TRAF3IP1: variants seen among roughly 807,000 people sequenced by gnomAD.
TRAF3IP1 encodes the protein TRAF3-interacting protein 1.
In TRAF3IP1, 53 loss-of-function variants were observed where a neutral mutation model predicts 89.9. The ratio of observed to expected loss-of-function variants is 0.59; its 90% CI spans 0.47 to 0.74. TRAF3IP1 has a LOEUF of 0.74. Ranked by LOEUF, TRAF3IP1 falls within the 30% of genes least tolerant of loss-of-function variation. The pLI is 0.00. For missense variants in TRAF3IP1, 806 were observed against 866.1 expected (o/e 0.93, Z 0.87); for synonymous variants, 311 against 322.1 (o/e 0.97, Z 0.37).
chr2:238,320,692 G>A lies in TRAF3IP1; in HGVS notation c.30G>A (p.Gln10=). The change falls in exon 1 of 17, where the codon CAG becomes CAA. Residue 10 remains glutamine (Q), a synonymous_variant. Transcript: ENST00000373327. MNAAVVRRT[Q]EALGKVIRRP... ...ACGCGGCGGTGGTGAGGCGGACGCA[G>A]GAGGCGCTGGGGAAAGTGATTCGGA... 7.0e-7 allele frequency: 1 copy of A among 1,421,934 alleles called. No homozygotes were observed. The highest frequency in any genetic ancestry group is 9.3e-7 in the Non-Finnish European group (1 of 1,073,932). 88.1% of individuals were successfully genotyped at this position (1,421,934 alleles called of 1,614,324 possible). A position where few individuals can be genotyped will look rare whatever the true frequency, so the allele number is the denominator to read the frequency against.
intron 15 of TRAF3IP1, among the ~76,000 whole-genome samples, chr2:238,387,502 A>G (rs779568496): frequency 1.3e-5 from 2 of 152,260 alleles, no homozygotes; most frequent in Non-Finnish European, 2.9e-5. Context: ...TTCTAAAACT[A>G]TATGAAAACG....
chr2:238,346,734 C>A (rs1445815998), intron 9 of TRAF3IP1, among the ~76,000 whole-genome samples: 1 of 152,200 alleles, frequency 6.6e-6, no homozygotes, highest in Non-Finnish European at 1.5e-5. Flanking sequence ...CTCCTCTCTG[C>A]CGTATAGTGT....
rs575812439 is a variant in TRAF3IP1 at position 238,323,876 on chromosome 2, G to C, written c.124-1430G>C. Among the ~76,000 whole-genome samples the C allele has an allele frequency of 9.9e-5, 15 of 152,210 alleles. 1 individual carries two copies. In the South Asian group the frequency reaches 2.7e-3, roughly 27 times the overall value. Reference sequence around the variant, plus strand: ...GTTGAGAGGAACAGGAAAAATAATTGCCCTAAAAGCTGGTTTTAGGGCTAA... The same window carrying C: ...GTTGAGAGGAACAGGAAAAATAATTCCCCTAAAAGCTGGTTTTAGGGCTAA... On this transcript the variant is annotated intron_variant, in intron 1 of 16. Transcript: ENST00000373327.
intron 15 of TRAF3IP1, among the ~76,000 whole-genome samples, chr2:238,381,341 C>T (rs929802735): frequency 5.3e-5 from 8 of 152,240 alleles, no homozygotes; most frequent in East Asian, 1.9e-4. Context: ...GGGCTGGATT[C>T]GAGGAGGGCC....
At chr2:238,372,295 G>C (rs944073863) in intron 15 of TRAF3IP1, among the ~76,000 whole-genome samples, 1 of 151,524 alleles carries the variant, frequency 6.6e-6, no homozygotes, top group Admixed American at 6.6e-5. Flanking sequence ...TCTGCCCCCC[G>C]ACAGGCCCCG....
At chr2:238,329,956 G>T (rs1698039884) in intron 5 of TRAF3IP1, among the ~76,000 whole-genome samples, 1 of 152,176 alleles carries the variant, frequency 6.6e-6, no homozygotes. Context: ...TTCCCCACCA[G>T]GCATGTAGAG....
chr2:238,325,684 T>G (rs1697790006), intron 2 of TRAF3IP1, 125 bp from the exon 3 acceptor site: 2 of 956,920 alleles, frequency 2.1e-6, no homozygotes, highest in Non-Finnish European at 1.5e-6. Context: ...TTTCTAGATT[T>G]GTTATATATC....
chr2:238,346,974 A>G (rs1698922580), intron 9 of TRAF3IP1, among the ~76,000 whole-genome samples: 1 of 152,046 alleles, frequency 6.6e-6, no homozygotes, highest in South Asian at 2.1e-4. Context: ...GAGCTGGAAG[A>G]TTTTCTTCTG....
chr2:238,347,390 C>T lies in TRAF3IP1; in HGVS notation c.1262-65C>T. On this transcript the variant is annotated intron_variant, in intron 9 of 16. Coordinates refer to ENST00000373327, the MANE Select transcript of TRAF3IP1 (RefSeq NM_015650.4). ...AGTGTGTTTTTTCTCCAATTCTGTTCTCATCATTTAATGTATTGAGGTTGA... is the reference window on the plus strand; with the variant it reads ...AGTGTGTTTTTTCTCCAATTCTGTTTTCATCATTTAATGTATTGAGGTTGA... 3.9e-6 allele frequency: 6 copies of T among 1,553,558 alleles called. 1 individual carries two copies. Among genetic ancestry groups the T allele is most frequent in the Non-Finnish European group, 5.3e-6 (6 of 1,126,314 alleles).
chr2:238,347,221 A>G, intron 9 of TRAF3IP1: 1 of 534,528 alleles, frequency 1.9e-6, no homozygotes, highest in East Asian at 3.2e-5. Context: ...TCCTGTTTCT[A>G]TTTAGTACCA....
chr2:238,351,847 G>A lies in TRAF3IP1; in HGVS notation c.1452-980G>A, dbSNP rs949206126. On this transcript the variant is annotated intron_variant, in intron 12 of 16. Transcript: ENST00000373327. The surrounding 1 kb of genome is among the most constrained non-coding windows in gnomAD (Gnocchi z 5.2). The stretch of plus-strand genomic sequence containing the variant: ...AGGGAGGATTTTGGTGTGTGTGTGT[G>A]TGTGTGTGTGTGTGTGTGTGCGCGC... Among the ~76,000 whole-genome samples, 1 of 136,094 alleles carries A rather than the reference G, an allele frequency of 7.3e-6. No homozygotes were observed. The highest frequency in any genetic ancestry group is 2.3e-4 in the South Asian group (1 of 4,356). 89.3% of individuals were successfully genotyped at this position (136,094 alleles called of 152,430 possible). A position where few individuals can be genotyped will look rare whatever the true frequency, so the allele number is the denominator to read the frequency against.
intron 5 of TRAF3IP1, among the ~76,000 whole-genome samples, chr2:238,332,252 ACT>A (rs985828918): frequency 2.0e-5 from 3 of 152,066 alleles, no homozygotes; most frequent in Admixed American, 2.0e-4. Flanking sequence ...TACTCCTTCT[ACT>A]CTGAGATATG....
chr2:238,356,597 C>T (rs1431634718), intron 15 of TRAF3IP1, among the ~76,000 whole-genome samples: 5 of 152,062 alleles, frequency 3.3e-5, no homozygotes, highest in Admixed American at 2.6e-4. Flanking sequence ...TATCCAGCCC[C>T]GTCTTGGGAG....
intron 15 of TRAF3IP1, among the ~76,000 whole-genome samples, chr2:238,370,183 G>T (rs1318898720): frequency 6.6e-6 from 1 of 152,112 alleles, no homozygotes; most frequent in Non-Finnish European, 1.5e-5. Flanking sequence ...ATGCGTGTGT[G>T]CATGTCTGTA....
chr2:238,376,808 G>C (rs980808112), intron 15 of TRAF3IP1, among the ~76,000 whole-genome samples: 1 of 152,120 alleles, frequency 6.6e-6, no homozygotes, highest in East Asian at 1.9e-4. Context: ...TGCTTTAAAC[G>C]TGTCTGTTGA....
chr2:238,398,553 ATAT>A, intron 16 of TRAF3IP1, among the ~76,000 whole-genome samples, 198 bp from the exon 17 acceptor site: 1 of 152,054 alleles, frequency 6.6e-6, no homozygotes, highest in East Asian at 1.9e-4. Flanking sequence ...CATTGAAGAA[ATAT>A]TAACTGCTGC....
intron 2 of TRAF3IP1, 51 bp downstream of exon 2, chr2:238,325,425 AT>A: frequency 6.3e-7 from 1 of 1,589,540 alleles, no homozygotes; most frequent in African/African-American, 1.3e-5. Flanking sequence ...AACGGATGGG[AT>A]TTTTTGTAGG....
At chr2:238,321,416 GTGC>G (rs1048934069) in intron 1 of TRAF3IP1, among the ~76,000 whole-genome samples, 1 of 152,166 alleles carries the variant, frequency 6.6e-6, no homozygotes, top group Non-Finnish European at 1.5e-5. Flanking sequence ...CACATTTTGG[GTGC>G]TTAATAAATG....
At chr2:238,363,959 C>G (rs906593200) in intron 15 of TRAF3IP1, among the ~76,000 whole-genome samples, 1 of 151,280 alleles carries the variant, frequency 6.6e-6, no homozygotes, top group Non-Finnish European at 1.5e-5. Flanking sequence ...GACTCTGTCT[C>G]AAAAAAAATA....
Sources: gnomAD v4.1 joint callset for allele counts (sites outside exome capture counted in the v4.1 genomes callset) on GRCh38, gnomAD v4.1.1 for gene constraint, Gnocchi (gnomAD v3.1) non-coding constraint, MANE v1.5 for transcripts, NCBI Gene and HGNC (gene_info 2026-07-23, HGNC 2026-07-21) for gene names.